Variants in SETD5 observed in about 807,000 individuals in gnomAD.
SETD5 encodes the protein histone-lysine N-methyltransferase SETD5.
SETD5 carries 44 observed loss-of-function variants against 153.3 expected under a neutral mutation model. That is an observed-to-expected ratio of 0.29 (90% CI 0.23 to 0.37). The LOEUF (loss-of-function observed/expected upper bound fraction) is 0.37. SETD5 is among the 10% of genes least tolerant of loss of function. The pLI is 1.00. For missense variants in SETD5, 1,544 were observed against 1,768.0 expected, an observed-to-expected ratio of 0.87 and a Z score of 2.27; for synonymous variants, 716 against 645.2, an observed-to-expected ratio of 1.11 and a Z score of -1.66.
intron 1 of SETD5, among the ~76,000 whole-genome samples, chr3:9,398,780 G>A (rs1474512027): frequency 6.6e-6 from 1 of 152,138 alleles, no homozygotes; most frequent in Admixed American, 6.5e-5. Flanking sequence ...GTTCAAGTAG[G>A]TAAATCGCAT....
Position 9,463,355 on chromosome 3 carries a change from G to A in SETD5, c.2477-1070G>A, listed in dbSNP as rs568598369. 3.3e-5 allele frequency among the ~76,000 whole-genome samples: 5 copies of A among 152,272 alleles called. No individual in the cohort carries two copies. The East Asian group carries it at 9.6e-4, about 29-fold the overall frequency. On this transcript the variant is annotated intron_variant, in intron 17 of 22. Transcript: ENST00000402198. ...ATTTCTTACAAATTTTAAGCCTCTT[G>A]AAAATAGAATGTATGATGACCATTT...
At chr3:9,448,848 G>A (rs2042308792) in intron 16 of SETD5, among the ~76,000 whole-genome samples, 1 of 152,194 alleles carries the variant, frequency 6.6e-6, no homozygotes, top group South Asian at 2.1e-4. Flanking sequence ...TTAGTGCTCA[G>A]ATTTGTGACT....
At chr3:9,446,011 G>GGC (rs1305791177) in intron 13 of SETD5, among the ~76,000 whole-genome samples, 2 of 138,600 alleles carry the variant, frequency 1.4e-5, no homozygotes, top group African/African-American at 5.7e-5. Context: ...GTTTCCGCTG[G>GGC]GCGCGGTGGC....
intron 15 of SETD5, 88 bp from the exon 16 acceptor site, chr3:9,448,300 C>T (rs964302578): frequency 8.6e-6 from 13 of 1,516,400 alleles, no homozygotes; most frequent in Non-Finnish European, 2.7e-6. Context: ...TGCATCTCCT[C>T]CTGTCCTAGT....
intron 15 of SETD5, 96 bp downstream of exon 15, chr3:9,448,102 T>TCTAGTAATATTGAG: frequency 7.6e-7 from 1 of 1,310,716 alleles, no homozygotes; most frequent in African/African-American, 1.5e-5. Flanking sequence ...CTAATCTCAA[T>TCTAGTAATATTGAG]ATTACTAGAT....
chr3:9,404,843 A>G (rs2035405363), intron 1 of SETD5, among the ~76,000 whole-genome samples: 1 of 152,236 alleles, frequency 6.6e-6, no homozygotes, highest in South Asian at 2.1e-4. Flanking sequence ...CTCCCCAAAC[A>G]GCTAATCTCA....
At chr3:9,398,225 C>T (rs1010428336) in intron 1 of SETD5, 3 of 151,818 alleles carry the variant, frequency 2.0e-5, no homozygotes, top group Non-Finnish European at 2.9e-5. Flanking sequence ...TCATGTTTTT[C>T]CTGGGTCAGG....
rs75692688 is a variant in SETD5, at chr3:9,444,857, C to T, written c.1188-191C>T. 1.8e-3 allele frequency among the ~76,000 whole-genome samples: 280 copies of T among 152,196 alleles called. 2 individuals are homozygous for T. The East Asian group carries it at 0.039, about 21-fold the overall frequency. ...CACCACTGCACTCCAGCCTAGATGACAGAGCGAGATTCCGTCTCCAATAAA... is the reference window on the plus strand; with the variant it reads ...CACCACTGCACTCCAGCCTAGATGATAGAGCGAGATTCCGTCTCCAATAAA... On this transcript the variant is annotated intron_variant, in intron 11 of 22. Coordinates refer to ENST00000402198, the MANE Select transcript of SETD5 (RefSeq NM_001080517.3).
At position 9,434,402 on chromosome 3, in the gene SETD5, G is replaced by C; in HGVS notation, c.246G>C (p.Pro82=). 6.2e-7 allele frequency: 1 copy of C among 1,613,944 alleles called. No homozygotes were observed. Among genetic ancestry groups the C allele is most frequent in the Non-Finnish European group, 8.5e-7 (1 of 1,179,870 alleles). ...SPVEERCGDS[P]NSEGETVPTW... ...TAGAGGAACGCTGTGGAGACAGCCC[G>C]AACTCTGAAGGAGAAACTGTACCTA... Residue 82 remains proline, a synonymous_variant, in exon 5 of 23, where the codon CCG becomes CCC. Coordinates refer to ENST00000402198, the MANE Select transcript of SETD5 (RefSeq NM_001080517.3). This position sits in a 1 kb window ranked among gnomAD's most constrained non-coding sequence, Gnocchi z 5.6.
rs1432231015 is a variant in SETD5 at position 9,445,962 on chromosome 3, G to GTTTTTTTTTTTTTTTTTTTTTTT, written c.1524+224_1524+225insTTTTTTTTTTTTTTTTTTTTTTT. ...TATTATCTAGTGATGGTTTGAAGAG[G>GTTTTTTTTTTTTTTTTTTTTTTT]TTGTTTTTTTTTTTTTTTTTTTTTT... On this transcript the variant is annotated intron_variant, in intron 13 of 22. Transcript: ENST00000402198. 7.0e-4 allele frequency among the ~76,000 whole-genome samples: 84 copies of GTTTTTTTTTTTTTTTTTTTTTTT among 120,228 alleles called. 3 individuals are homozygous for GTTTTTTTTTTTTTTTTTTTTTTT. The highest frequency in any genetic ancestry group is 1.5e-3 in the African/African-American group (42 of 28,632). The allele number at this position is 120,228 out of a possible 152,430, so 78.9% of individuals were successfully genotyped here.
intron 3 of SETD5, chr3:9,430,872 AGGATT>A (rs1433187097): frequency 1.0e-6 from 1 of 985,448 alleles, no homozygotes; most frequent in South Asian, 4.7e-5. Flanking sequence ...AACATATCCT[AGGATT>A]TCCTGAAACA....
At chr3:9,432,397 G>A (rs776233823) in intron 3 of SETD5, 13 of 458,532 alleles carry the variant, frequency 2.8e-5, no homozygotes, top group Non-Finnish European at 3.7e-5. Context: ...ACATTGAACT[G>A]CACACTTATT....
intron 3 of SETD5, 54 bp downstream of exon 3, chr3:9,429,063 C>T (rs2039649177): frequency 1.6e-5 from 20 of 1,258,768 alleles, no homozygotes; most frequent in Non-Finnish European, 2.2e-5. Flanking sequence ...TGGAGACAGC[C>T]TTCTTATGGA....
At chr3:9,410,654 G>A (rs1354532033) in intron 1 of SETD5, among the ~76,000 whole-genome samples, 1 of 152,134 alleles carries the variant, frequency 6.6e-6, no homozygotes, top group Non-Finnish European at 1.5e-5. Flanking sequence ...GAGTCATCAT[G>A]AATTTTCAGA....
chr3:9,400,759 A>G (rs1252412790), intron 1 of SETD5, among the ~76,000 whole-genome samples: 2 of 152,224 alleles, frequency 1.3e-5, no homozygotes, highest in Non-Finnish European at 2.9e-5. Flanking sequence ...CAGAAGAAAT[A>G]TGCAGAAATC....
At chr3:9,427,848 C>G (rs550339543) in intron 2 of SETD5, among the ~76,000 whole-genome samples, 1 of 152,288 alleles carries the variant, frequency 6.6e-6, no homozygotes, top group South Asian at 2.1e-4. Context: ...ACTTGTTTCC[C>G]TCTGCACCAT....
intron 9 of SETD5, 126 bp from the exon 10 acceptor site, chr3:9,442,002 C>G: frequency 1.3e-6 from 1 of 749,800 alleles, no homozygotes; most frequent in South Asian, 1.8e-5. Flanking sequence ...AAACGTGATG[C>G]TTTCCCAAGT....
chr3:9,435,048 C>T (rs746499206), intron 6 of SETD5, among the ~76,000 whole-genome samples, 166 bp downstream of exon 6: 13 of 152,126 alleles, frequency 8.5e-5, no homozygotes, highest in Non-Finnish European at 1.9e-4. Flanking sequence ...AGTTTGAGAC[C>T]AGCCTGACCA....
At position 9,416,724 on chromosome 3, in the gene SETD5, TATAC is replaced by T. The variant is rs2037529263; in HGVS notation, c.-176-7742_-176-7739del. Among the ~76,000 whole-genome samples the T allele has an allele frequency of 2.0e-5, 3 of 152,164 alleles. No homozygotes were observed. The South Asian group carries it at 6.2e-4, about 31-fold the overall frequency. ...TAAACATGCCCCTCTTATGTATCCT[TATAC>T]CCATTATAAGGATAAACAAGGGATA... On this transcript the variant is annotated intron_variant, in intron 1 of 22. Transcript: ENST00000402198.
Sources: gnomAD v4.1 joint callset for allele counts (sites outside exome capture counted in the v4.1 genomes callset) on GRCh38, gnomAD v4.1.1 for gene constraint, Gnocchi (gnomAD v3.1) non-coding constraint, MANE v1.5 for transcripts, NCBI Gene and HGNC (gene_info 2026-07-23, HGNC 2026-07-21) for gene names.